PRKG2: variants seen among roughly 807,000 people sequenced by gnomAD.
PRKG2 encodes the protein cGMP-dependent protein kinase 2.
In PRKG2, 33 loss-of-function variants were observed where a neutral mutation model predicts 97.2. The observed-to-expected ratio is 0.34, with a 90% CI of 0.26 to 0.45. The LOEUF is 0.45. Among genes scored for constraint, PRKG2 ranks in the 20% least tolerant of loss-of-function variants. PRKG2 has a pLI of 1.00. For synonymous variants in PRKG2, 330 were observed against 321.8 expected (o/e 1.03, Z -0.27); for missense variants, 638 against 900.0 (o/e 0.71, Z 3.73).
At chr4:81,159,422 C>A (rs1386613558) in intron 6 of PRKG2, among the ~76,000 whole-genome samples, 1 of 152,150 alleles carries the variant, frequency 6.6e-6, no homozygotes, top group Non-Finnish European at 1.5e-5. Context: ...CCATTTCACA[C>A]CAGTTAGAAT....
chr4:81,180,900 T>A (rs954949189), intron 2 of PRKG2, among the ~76,000 whole-genome samples: 1 of 152,140 alleles, frequency 6.6e-6, no homozygotes, highest in South Asian at 2.1e-4. Flanking sequence ...TTGTTACATA[T>A]GTATACATGT....
intron 1 of PRKG2, among the ~76,000 whole-genome samples, chr4:81,214,402 T>C (rs928463791): frequency 6.6e-6 from 1 of 151,966 alleles, no homozygotes; most frequent in African/African-American, 2.4e-5. Flanking sequence ...TGGGCTTTGT[T>C]TGCTCTTGTT....
intron 4 of PRKG2, among the ~76,000 whole-genome samples, chr4:81,171,165 C>T (rs1429892545): frequency 6.6e-6 from 1 of 151,842 alleles, no homozygotes; most frequent in Non-Finnish European, 1.5e-5. Context: ...CTCTCCCTCC[C>T]CCACCCCTCC....
intron 2 of PRKG2, among the ~76,000 whole-genome samples, chr4:81,197,312 T>C (rs1401221988): frequency 6.6e-6 from 1 of 152,104 alleles, no homozygotes; most frequent in East Asian, 1.9e-4. Flanking sequence ...TCAGAGGACA[T>C]TTAGAAAATG....
chr4:81,195,188 TATTG>T (rs1326390162), intron 2 of PRKG2, among the ~76,000 whole-genome samples: 2 of 152,174 alleles, frequency 1.3e-5, no homozygotes, highest in African/African-American at 4.8e-5. Flanking sequence ...AATTAACAAG[TATTG>T]ATTAACAATG....
chr4:81,175,203 T>A (rs1750818582), intron 2 of PRKG2, among the ~76,000 whole-genome samples: 1 of 152,074 alleles, frequency 6.6e-6, no homozygotes, highest in Admixed American at 6.6e-5. Context: ...TTATCATTCC[T>A]AATTGCCATC....
rs749594889 is a variant in PRKG2 at position 81,140,710 on chromosome 4, T to C, written c.1408-41A>G. ...AAAGATACCTCAAAATTAACTTATA[T>C]CTATATAAAACACACTAATCAATGA... On this transcript the variant is annotated intron_variant, in intron 11 of 18. Transcript: ENST00000264399. The C allele has an allele frequency of 5.5e-5, 85 of 1,546,652 alleles. 2 individuals carry two copies. The Admixed American group carries it at 1.4e-3, about 25-fold the overall frequency.
chr4:81,146,554 T>C (rs1304977959), intron 9 of PRKG2, among the ~76,000 whole-genome samples: 3 of 152,156 alleles, frequency 2.0e-5, no homozygotes, highest in Non-Finnish European at 2.9e-5. Context: ...TAAGCCTTTG[T>C]TAAAATCATG....
intron 17 of PRKG2, among the ~76,000 whole-genome samples, chr4:81,094,415 T>C (rs1741912088): frequency 1.3e-5 from 2 of 151,706 alleles, no homozygotes; most frequent in South Asian, 4.1e-4. Flanking sequence ...AAGAAATTTG[T>C]TTGTTTGTTT....
intron 14 of PRKG2, among the ~76,000 whole-genome samples, chr4:81,130,314 G>A (rs2099930): frequency 0.25 from 37,702 of 152,074 alleles, 5,953 homozygotes; most frequent in Non-Finnish European, 0.34. Context: ...GTATTACCAG[G>A]TGAGGCTGCA....
upstream of PRKG2, among the ~76,000 whole-genome samples, chr4:81,217,538 C>T (rs1754320348): frequency 6.6e-6 from 1 of 152,176 alleles, no homozygotes; most frequent in Non-Finnish European, 1.5e-5. Flanking sequence ...AGTCTTTCAA[C>T]AAATGTGCTT....
chr4:81,204,307 C>T lies in PRKG2; in HGVS notation c.461+280G>A, dbSNP rs577712039. Among the ~76,000 whole-genome samples, 4 of 151,818 alleles carry T rather than the reference C, an allele frequency of 2.6e-5. 1 individual carries two copies. Among genetic ancestry groups the T allele is most frequent in the African/African-American group, 9.7e-5 (4 of 41,386 alleles). ...ACTCCTCTAGAAAAAGAAGTGTACA[C>T]TTTCTAATACTATTTCACACCCCTA... On this transcript the variant is annotated intron_variant, in intron 2 of 18. Coordinates refer to ENST00000264399, the MANE Select transcript of PRKG2 (RefSeq NM_006259.3).
intron 17 of PRKG2, among the ~76,000 whole-genome samples, chr4:81,100,116 A>G (rs907765718): frequency 6.6e-6 from 1 of 151,666 alleles, no homozygotes; most frequent in Non-Finnish European, 1.5e-5. Context: ...AAGAATCAAT[A>G]TCGTGAAAAT....
At chr4:81,114,788 C>G (rs1219943837) in intron 14 of PRKG2, among the ~76,000 whole-genome samples, 2 of 152,068 alleles carry the variant, frequency 1.3e-5, no homozygotes, top group African/African-American at 4.8e-5. Context: ...CCAGAGGTCC[C>G]ACTACCCTGA....
rs1750501565 is a variant in PRKG2 at position 81,171,799 on chromosome 4, G to A, written c.634C>T (p.Arg212Ter). Residue 212 changes from arginine to a stop codon, truncating the protein, a stop_gained, in exon 4 of 19, where the codon CGA (arginine) becomes TGA (stop). Transcript: ENST00000264399. LOFTEE classifies it high-confidence loss of function. ...TTCTCCCCTTGGAACACCTCTAGTC[G>A]ACCCTCTATCAAGCAGAATTTTAAA... The part of the protein sequence containing the change: ...GNHIFVLAEG[R>*]LEVFQGEKLL... 1 of 1,599,614 alleles carries A rather than the reference G, an allele frequency of 6.3e-7. No individual in the cohort carries two copies. Among genetic ancestry groups the A allele is most frequent in the Non-Finnish European group, 8.5e-7 (1 of 1,173,264 alleles).
At chr4:81,150,360 C>T (rs1416158582) in intron 8 of PRKG2, among the ~76,000 whole-genome samples, 1 of 152,066 alleles carries the variant, frequency 6.6e-6, no homozygotes, top group African/African-American at 2.4e-5. Flanking sequence ...TTTATTTTTG[C>T]ACATAAAATT....
intron 9 of PRKG2, among the ~76,000 whole-genome samples, chr4:81,145,692 C>T (rs184385250): frequency 1.3e-3 from 201 of 152,282 alleles, no homozygotes; most frequent in African/African-American, 4.6e-3. Context: ...CTGCTTCTAA[C>T]TCCAACAATC....
intron 17 of PRKG2, among the ~76,000 whole-genome samples, chr4:81,098,919 T>G (rs929514457): frequency 2.6e-5 from 4 of 152,202 alleles, no homozygotes; most frequent in African/African-American, 9.6e-5. Flanking sequence ...ATAGACTTGC[T>G]TGATGCAGGG....
chr4:81,153,738 GAA>G lies in PRKG2; in HGVS notation c.913-19_913-18del. ...ATAGTATTCCTGTTGGGATGAGAGA[GAA>G]AGAAAATGTAAGAGCGGGTGGAGCC... On this transcript the variant is annotated intron_variant, in intron 6 of 18. Coordinates refer to ENST00000264399, the MANE Select transcript of PRKG2 (RefSeq NM_006259.3). The G allele has an allele frequency of 6.4e-7, 1 of 1,572,488 alleles. No homozygotes were observed. Among genetic ancestry groups the G allele is most frequent in the Non-Finnish European group, 8.7e-7 (1 of 1,142,918 alleles).
Sources: allele counts gnomAD v4.1 joint callset (sites outside exome capture counted in the v4.1 genomes callset), GRCh38; gene constraint gnomAD v4.1.1; transcripts MANE v1.5; gene names NCBI Gene and HGNC (gene_info 2026-07-23, HGNC 2026-07-21).